WSB2: variants seen among roughly 807,000 people sequenced by gnomAD.
The protein encoded by WSB2 is WD repeat and SOCS box containing 2, also known as WD repeat and SOCS box-containing protein 2.
WSB2 carries 12 observed loss-of-function variants against 48.8 expected under a neutral mutation model. The observed-to-expected ratio is 0.25, with a 90% CI of 0.16 to 0.40. The LOEUF (loss-of-function observed/expected upper bound fraction) is 0.40. Ranked by LOEUF, WSB2 falls within the 10% of genes least tolerant of loss-of-function variation. WSB2 has a pLI of 1.00. For missense variants in WSB2, 317 were observed against 506.2 expected (o/e 0.63, Z 3.59); for synonymous variants, 191 against 203.1 (o/e 0.94, Z 0.51).
In WSB2 at chr12:118,060,252, C is replaced by T. The variant is rs2032036431; in HGVS notation, c.13+784G>A. On this transcript the variant is annotated intron_variant, in intron 1 of 8. Transcript: ENST00000315436. The surrounding 1 kb of genome is among the most constrained non-coding windows in gnomAD (Gnocchi z 4.1). ...ACCTTTCCCACTGAGATTTTATGTT[C>T]ATCTGGGCTGGCTTGAGGTATATCC... Among the ~76,000 whole-genome samples, 1 of 152,072 alleles carries T rather than the reference C, an allele frequency of 6.6e-6. No homozygotes were observed. The highest frequency in any genetic ancestry group is 1.5e-5 in the Non-Finnish European group (1 of 68,022).
rs1277448713 is a variant in WSB2 at position 118,061,070 on chromosome 12, CG to C, written c.-23del. The C allele has an allele frequency of 5.1e-6, 5 of 982,756 alleles. No individual in the cohort carries two copies. The highest frequency in any genetic ancestry group is 2.3e-4 in the East Asian group (2 of 8,726). The allele number at this position is 982,756 out of a possible 1,614,324, so 60.9% of individuals were successfully genotyped here. On this transcript the variant is annotated 5_prime_UTR_variant, in exon 1 of 9. Coordinates refer to ENST00000315436, the MANE Select transcript of WSB2 (RefSeq NM_018639.5). ...CCATGGAGGACGCGAGCGGCCCCCG[CG>C]GCAGGCGGCGGGCGCCTCAGCCCCC...
intron 2 of WSB2, among the ~76,000 whole-genome samples, chr12:118,044,595 G>A (rs1477405204): frequency 6.6e-6 from 1 of 152,152 alleles, no homozygotes; most frequent in Admixed American, 6.5e-5. Flanking sequence ...CGAATTCACA[G>A]GGCTGTGTAG....
intron 2 of WSB2, among the ~76,000 whole-genome samples, chr12:118,047,674 C>T (rs1173106087): frequency 6.6e-6 from 1 of 152,180 alleles, no homozygotes; most frequent in Non-Finnish European, 1.5e-5. Flanking sequence ...GATCATGCCA[C>T]TGTACTCCAG....
chr12:118,048,697 T>C (rs1345233707), intron 2 of WSB2, among the ~76,000 whole-genome samples: 1 of 152,176 alleles, frequency 6.6e-6, no homozygotes, highest in East Asian at 1.9e-4. Flanking sequence ...AAATGGTTAA[T>C]ACTCAAATAC....
intron 2 of WSB2, among the ~76,000 whole-genome samples, chr12:118,051,600 G>A (rs1383227877): frequency 6.6e-6 from 1 of 152,226 alleles, no homozygotes; most frequent in East Asian, 1.9e-4. Flanking sequence ...TGGTTGCCTG[G>A]AGAGTGCAGG....
intron 2 of WSB2, 82 bp from the exon 3 acceptor site, chr12:118,043,459 T>G: frequency 6.7e-7 from 1 of 1,502,474 alleles, no homozygotes; most frequent in Middle Eastern, 1.8e-4. Context: ...GTAAGACTTT[T>G]GGGGAGTGGA....
chr12:118,037,103 G>A (rs2031529487), intron 5 of WSB2, among the ~76,000 whole-genome samples: 1 of 151,950 alleles, frequency 6.6e-6, no homozygotes, highest in Non-Finnish European at 1.5e-5. Context: ...AATCACTTGA[G>A]CCTGGTAGGT....
Position 118,036,364 on chromosome 12 carries a change from G to A in WSB2, c.807C>T (p.Tyr269=), listed in dbSNP as rs753615516. Residue 269 remains tyrosine, a synonymous_variant, in exon 6 of 9, where the codon TAC becomes TAT. Coordinates refer to ENST00000315436, the MANE Select transcript of WSB2 (RefSeq NM_018639.5). ...GGAGTGACCTCAGCCTTTCGCCGGT[G>A]TAGGGGTCCCACATAATCACATTGG... ...YDTNVIMWDP[Y]TGERLRSLHH... The A allele has an allele frequency of 6.2e-7, 1 of 1,614,168 alleles. No homozygotes were observed. Among genetic ancestry groups the A allele is most frequent in the East Asian group, 2.2e-5 (1 of 44,886 alleles).
Position 118,034,429 on chromosome 12 carries a change from T to C in WSB2, c.1053-71A>G, listed in dbSNP as rs531693197. The C allele has an allele frequency of 3.2e-5, 50 of 1,567,154 alleles. 1 individual carries two copies. In the Middle Eastern group the frequency reaches 2.7e-3, roughly 85 times the overall value. ...ATGTTTTCATGAGGATGAATACTCA[T>C]GTTTCTGTTTTGACTGCAAAGAGCA... On this transcript the variant is annotated intron_variant, in intron 8 of 8. Transcript: ENST00000315436.
At chr12:118,061,187 C>T, upstream of WSB2, 1 of 983,466 alleles carries the variant, frequency 1.0e-6, no homozygotes, top group Non-Finnish European at 1.2e-6. Context: ...CTTCCCGTCA[C>T]ATGGCGGTGG....
rs1566134486 is a variant in WSB2 at position 118,034,169 on chromosome 12, AC to A, written c.*26del. 1 of 1,613,650 alleles carries A rather than the reference AC, an allele frequency of 6.2e-7. No homozygotes were observed. Among genetic ancestry groups the A allele is most frequent in the Non-Finnish European group, 8.5e-7 (1 of 1,179,650 alleles). On this transcript the variant is annotated 3_prime_UTR_variant, in exon 9 of 9. Transcript: ENST00000315436. ...CTTTGACAGGACGATTTACCCTGCT[AC>A]AAAGAAGCACAAGATGTGGTGTTGC...
At chr12:118,055,544 A>C (rs1169996681) in intron 1 of WSB2, among the ~76,000 whole-genome samples, 1 of 151,772 alleles carries the variant, frequency 6.6e-6, no homozygotes, top group African/African-American at 2.4e-5. Flanking sequence ...GACCAGGATG[A>C]AAATGTCTTT....
At chr12:118,039,754 AT>A (rs879894018) in intron 4 of WSB2, among the ~76,000 whole-genome samples, 1 of 150,708 alleles carries the variant, frequency 6.6e-6, no homozygotes, top group Non-Finnish European at 1.5e-5. Flanking sequence ...ATTTTTTTTT[AT>A]TTTTTTGAGA....
chr12:118,049,604 T>C (rs1341952298), intron 2 of WSB2, among the ~76,000 whole-genome samples: 1 of 152,174 alleles, frequency 6.6e-6, no homozygotes, highest in Non-Finnish European at 1.5e-5. Flanking sequence ...GGTTTCACCA[T>C]GTTGGCCAGA....
Position 118,052,446 on chromosome 12 carries a change from C to T in WSB2, c.46G>A (p.Gly16Arg), listed in dbSNP as rs775451028. Residue 16 changes from glycine (G) to arginine (R), a missense_variant, in exon 2 of 9, where the codon GGG (glycine) becomes AGG (arginine). Gly to Arg is a moderately radical substitution (Grantham distance 125). Coordinates refer to ENST00000315436, the MANE Select transcript of WSB2 (RefSeq NM_018639.5). ...EPLLLAELKP[G>R]RPHQFDWKSS... ...TTCCAATCAAACTGGTGGGGGCGCCCGGGCTTGAGTTCGGCCAGCAGCAGC... is the reference window on the plus strand; with the variant it reads ...TTCCAATCAAACTGGTGGGGGCGCCTGGGCTTGAGTTCGGCCAGCAGCAGC... 9.3e-6 allele frequency: 15 copies of T among 1,614,112 alleles called. No individual in the cohort carries two copies. Among genetic ancestry groups the T allele is most frequent in the Admixed American group, 1.7e-5 (1 of 60,014 alleles).
At chr12:118,035,115 C>T (rs780884523) in intron 7 of WSB2, 22 bp from the exon 8 acceptor site, 5 of 1,613,714 alleles carry the variant, frequency 3.1e-6, no homozygotes, top group Non-Finnish European at 4.2e-6. Context: ...GAGAGAACAT[C>T]TGGATATTAG....
At position 118,034,349 on chromosome 12, in the gene WSB2, A is replaced by G; in HGVS notation, c.1062T>C (p.Asp354=). The change falls in exon 9 of 9, where the codon GAT becomes GAC. Residue 354 remains aspartate (D), a synonymous_variant. Coordinates refer to ENST00000315436, the MANE Select transcript of WSB2 (RefSeq NM_018639.5). ...GAGCTGTCCAGAACTGGACGTGGCC[A>G]TCTCTTGTCCTAAAATGAAACAGAA... The part of the protein sequence containing the change: ...HGGVIATGTR[D]GHVQFWTAPR... 1 of 1,613,790 alleles carries G rather than the reference A, an allele frequency of 6.2e-7. No individual in the cohort carries two copies. The highest frequency in any genetic ancestry group is 8.5e-7 in the Non-Finnish European group (1 of 1,179,784).
In WSB2 at chr12:118,060,924, T is replaced by G; in HGVS notation, c.13+112A>C. The G allele has an allele frequency of 4.6e-6, 2 of 437,698 alleles. No individual in the cohort carries two copies. The highest frequency in any genetic ancestry group is 1.2e-3 in the Middle Eastern group (1 of 860). 27.1% of individuals were successfully genotyped at this position (437,698 alleles called of 1,614,324 possible). A position where few individuals can be genotyped will look rare whatever the true frequency, so the allele number is the denominator to read the frequency against. ...TCCCAGGCCGGACGCCCCCGCCGCG[T>G]CCAGCCCCCGCCCCACCCCGCCCAG... On this transcript the variant is annotated intron_variant, in intron 1 of 8. Coordinates refer to ENST00000315436, the MANE Select transcript of WSB2 (RefSeq NM_018639.5). The surrounding 1 kb of genome is among the most constrained non-coding windows in gnomAD (Gnocchi z 4.1).
At chr12:118,038,011 A>G (rs1251791648) in intron 5 of WSB2, 1 of 301,160 alleles carries the variant, frequency 3.3e-6, no homozygotes, top group African/African-American at 2.2e-5. Context: ...CTTAGACTCC[A>G]AGAAGAAAAG....
Sources: gnomAD v4.1 joint callset for allele counts (sites outside exome capture counted in the v4.1 genomes callset) on GRCh38, gnomAD v4.1.1 for gene constraint, Gnocchi (gnomAD v3.1) non-coding constraint, MANE v1.5 for transcripts, NCBI Gene and HGNC (gene_info 2026-07-23, HGNC 2026-07-21) for gene names.